Variants in MACROD2 observed in about 807,000 individuals in gnomAD.
The protein encoded by MACROD2 is ADP-ribose glycohydrolase MACROD2.
Under a neutral mutation model 70.4 loss-of-function variants are expected in MACROD2, and 36 were observed. The ratio of observed to expected loss-of-function variants is 0.51; its 90% confidence interval spans 0.39 to 0.68. The LOEUF (loss-of-function observed/expected upper bound fraction) is 0.68. Among genes scored for constraint, MACROD2 ranks in the 30% least tolerant of loss-of-function variants. The probability of loss-of-function intolerance (pLI) is 0.00; values close to 1 mark genes in which losing one functional copy is unlikely to be tolerated. For missense variants in MACROD2, 496 were observed against 538.4 expected (o/e 0.92, Z 0.78); for synonymous variants, 172 against 178.8 (o/e 0.96, Z 0.30).
chr20:14,385,520 C>G (rs1420046743), intron 3 of MACROD2, among the ~76,000 whole-genome samples: 1 of 152,094 alleles, frequency 6.6e-6, no homozygotes, highest in Non-Finnish European at 1.5e-5. Flanking sequence ...GTCTACATGT[C>G]AAAGATAGCA....
rs143043668 is a variant in MACROD2, at chr20:15,748,220, G to A, written c.646-114525G>A. Among the ~76,000 whole-genome samples the A allele has an allele frequency of 1.6e-3, 243 of 152,194 alleles. 1 individual carries two copies. The highest frequency in any genetic ancestry group is 5.6e-3 in the African/African-American group (234 of 41,546). ...CTAAAATATACCTCCTACAAAGAAT[G>A]GGGCACTGTCAGTCTGGGACTACTT... On this transcript the variant is annotated intron_variant, in intron 8 of 17. Transcript: ENST00000684519.
intron 6 of MACROD2, among the ~76,000 whole-genome samples, chr20:15,267,821 C>T (rs1392996096): frequency 4.6e-5 from 7 of 152,136 alleles, no homozygotes; most frequent in Admixed American, 2.6e-4. Flanking sequence ...AGGAGCCTGG[C>T]CTCTCCGGTT....
intron 8 of MACROD2, among the ~76,000 whole-genome samples, chr20:15,563,347 T>C (rs180686828): frequency 2.4e-4 from 37 of 152,326 alleles, no homozygotes; most frequent in Admixed American, 8.5e-4. Context: ...CTCTGTATTT[T>C]ACACCTGGTC....
chr20:14,979,416 G>A (rs1359755560), intron 5 of MACROD2, among the ~76,000 whole-genome samples: 1 of 152,002 alleles, frequency 6.6e-6, no homozygotes, highest in Non-Finnish European at 1.5e-5. Context: ...AATGTAAGTT[G>A]GCATAAAAGA....
At chr20:15,494,760 T>C (rs1390107111) in intron 7 of MACROD2, among the ~76,000 whole-genome samples, 1 of 88,246 alleles carries the variant, frequency 1.1e-5, no homozygotes, top group African/African-American at 4.9e-5. Flanking sequence ...TGTGTGTGTG[T>C]GTGCGCGTGT....
chr20:15,830,831 A>T (rs1343323582), intron 8 of MACROD2, among the ~76,000 whole-genome samples: 1 of 152,250 alleles, frequency 6.6e-6, no homozygotes, highest in African/African-American at 2.4e-5. Flanking sequence ...ACACCATACA[A>T]ATTTAAATGA....
At chr20:14,756,098 G>C (rs959170690) in intron 5 of MACROD2, among the ~76,000 whole-genome samples, 4 of 152,010 alleles carry the variant, frequency 2.6e-5, no homozygotes, top group Non-Finnish European at 5.9e-5. Context: ...ATCTTACTGA[G>C]ACTTTTAGGC....
intron 8 of MACROD2, among the ~76,000 whole-genome samples, chr20:15,652,295 C>T (rs548493304): frequency 1.1e-3 from 162 of 152,256 alleles, no homozygotes; most frequent in African/African-American, 3.9e-3. Context: ...AGTGCTAGTT[C>T]TGGCTTTTCT....
At chr20:14,389,475 G>A (rs1435027310) in intron 3 of MACROD2, among the ~76,000 whole-genome samples, 1 of 150,916 alleles carries the variant, frequency 6.6e-6, no homozygotes, top group East Asian at 2.0e-4. Context: ...CCAGGCCGGA[G>A]TGCAGTGGCA....
rs1346175949 is a variant in MACROD2, at chr20:15,967,642, A to C, written c.985+12A>C. 6.4e-7 allele frequency: 1 copy of C among 1,558,058 alleles called. No homozygotes were observed. Among genetic ancestry groups the C allele is most frequent in the Admixed American group, 1.9e-5 (1 of 53,246 alleles). On this transcript the variant is annotated intron_variant, in intron 13 of 17. Coordinates refer to ENST00000684519, the MANE Select transcript of MACROD2 (RefSeq NM_001351661.2). ...AGATCATCCCGATGGTAGGTTGTGA[A>C]ATCCTTTATTAGATTTTCTTTTCTT...
chr20:14,569,996 C>G (rs1980080096), intron 4 of MACROD2, among the ~76,000 whole-genome samples: 1 of 151,994 alleles, frequency 6.6e-6, no homozygotes, highest in African/African-American at 2.4e-5. Context: ...ATATAGCTAT[C>G]CTCTAACTAG....
chr20:15,949,193 C>T (rs2065871148), intron 12 of MACROD2, among the ~76,000 whole-genome samples: 1 of 152,122 alleles, frequency 6.6e-6, no homozygotes, highest in African/African-American at 2.4e-5. Context: ...GTATTTATAT[C>T]ACAGGGTTGC....
At chr20:15,928,974 T>G (rs1258987282) in intron 10 of MACROD2, among the ~76,000 whole-genome samples, 1 of 150,962 alleles carries the variant, frequency 6.6e-6, no homozygotes, top group Non-Finnish European at 1.5e-5. Flanking sequence ...ACTTAAAGCC[T>G]TCCTGAGCTG....
chr20:14,472,525 G>T (rs1021498524), intron 3 of MACROD2, among the ~76,000 whole-genome samples: 2 of 152,126 alleles, frequency 1.3e-5, no homozygotes, highest in African/African-American at 2.4e-5. Context: ...TGGGTAAAAA[G>T]AGATGAATAC....
intron 5 of MACROD2, among the ~76,000 whole-genome samples, chr20:15,047,237 A>G (rs1183963459): frequency 6.6e-6 from 1 of 152,182 alleles, no homozygotes; most frequent in Non-Finnish European, 1.5e-5. Flanking sequence ...ATACTTGTTT[A>G]TAGTATGTAC....
intron 5 of MACROD2, among the ~76,000 whole-genome samples, chr20:14,802,188 A>G (rs932848904): frequency 2.6e-5 from 4 of 152,038 alleles, no homozygotes; most frequent in South Asian, 2.1e-4. Context: ...TTAATGCATG[A>G]TCATATGAGC....
chr20:14,247,260 T>A (rs2081975155), intron 3 of MACROD2, among the ~76,000 whole-genome samples: 1 of 152,192 alleles, frequency 6.6e-6, no homozygotes, highest in African/African-American at 2.4e-5. Flanking sequence ...GGACCTGATC[T>A]TCAGGATTTC....
At chr20:15,638,539 G>A (rs888632289) in intron 8 of MACROD2, among the ~76,000 whole-genome samples, 3 of 152,196 alleles carry the variant, frequency 2.0e-5, no homozygotes, top group Non-Finnish European at 4.4e-5. Flanking sequence ...CCTGGAGGGA[G>A]GCAGTGAACC....
intron 6 of MACROD2, among the ~76,000 whole-genome samples, chr20:15,235,885 T>A (rs2077009505): frequency 6.6e-6 from 1 of 152,210 alleles, no homozygotes; most frequent in African/African-American, 2.4e-5. Context: ...GGGCTGTCAA[T>A]TTGATCTTTT....
Sources: allele counts gnomAD v4.1 joint callset (sites outside exome capture counted in the v4.1 genomes callset), GRCh38; gene constraint gnomAD v4.1.1; transcripts MANE v1.5; gene names NCBI Gene and HGNC (gene_info 2026-07-23, HGNC 2026-07-21).